The following FAM240C variants were observed in gnomAD, a reference collection of about 807,000 sequenced individuals.
FAM240C encodes protein FAM240C.
In FAM240C, 14 loss-of-function variants were observed where a neutral mutation model predicts 10.0. That is an observed-to-expected ratio of 1.40 (90% CI 0.92 to 2.19). The LOEUF (loss-of-function observed/expected upper bound fraction) is 2.19. Ranked by LOEUF, FAM240C falls within the 30% of genes most tolerant of loss-of-function variation. The pLI, the probability that FAM240C is intolerant of heterozygous loss-of-function variation, is 0.00. For synonymous variants in FAM240C, 49 were observed against 44.3 expected, an observed-to-expected ratio of 1.11 and a Z score of -0.42; for missense variants, 154 against 122.3, an observed-to-expected ratio of 1.26 and a Z score of -1.22.
Position 241,894,012 on chromosome 2 carries a change from G to T in FAM240C, c.*201C>A. ...ATCCAATTGACTTAGGTTTTATTGGGCACCAGAGATGCGCTAGAGAACCCT... is the reference window on the plus strand; with the variant it reads ...ATCCAATTGACTTAGGTTTTATTGGTCACCAGAGATGCGCTAGAGAACCCT... On this transcript the variant is annotated 3_prime_UTR_variant, in exon 3 of 3. Transcript: ENST00000404031. 1 of 482,682 alleles carries T rather than the reference G, an allele frequency of 2.1e-6. No homozygotes were observed. The allele number at this position is 482,682 out of a possible 1,614,324, so 29.9% of individuals were successfully genotyped here. A position where few individuals can be genotyped will look rare whatever the true frequency, so the allele number is the denominator to read the frequency against.
At chr2:241,901,284 C>T (rs1050610297), upstream of FAM240C, among the ~76,000 whole-genome samples, 1 of 152,210 alleles carries the variant, frequency 6.6e-6, no homozygotes. The surrounding 1 kb of genome is among the most constrained non-coding windows in gnomAD (Gnocchi z 4.9). Flanking sequence ...GGATCCATCC[C>T]TCCAGGCCTC....
At chr2:241,897,126 C>G in intron 2 of FAM240C, 60 bp downstream of exon 2, 2 of 1,528,998 alleles carry the variant, frequency 1.3e-6, no homozygotes, top group Non-Finnish European at 8.8e-7. Context: ...GGCTGTGCCC[C>G]TGGGTGGCGA....
At position 241,897,308 on chromosome 2, in the gene FAM240C, C is replaced by G. The variant is rs573899660; in HGVS notation, c.39G>C (p.Lys13Asn). Reference protein sequence around the residue: ...GKNMSKSLTLKNPGRVAYDSG... With the variant: ...GKNMSKSLTLNNPGRVAYDSG... ...AATCGTATGCTACTCTTCCAGGATTCTTAAGAGTGAGGCTTTTACTCATGT... is the reference window on the plus strand; with the variant it reads ...AATCGTATGCTACTCTTCCAGGATTGTTAAGAGTGAGGCTTTTACTCATGT... The change falls in exon 2 of 3, where the codon AAG (lysine) becomes AAC (asparagine). Residue 13 changes from lysine (K) to asparagine (N), a missense_variant. Lys to Asn is a moderately conservative substitution (Grantham distance 94, BLOSUM62 0). Coordinates refer to ENST00000404031, the MANE Select transcript of FAM240C (RefSeq NM_001382368.1). 662 of 1,549,756 alleles carry G rather than the reference C, an allele frequency of 4.3e-4. 21 individuals carry two copies. The South Asian group carries it at 7.6e-3, about 18-fold the overall frequency.
chr2:241,900,907 C>T (rs1476707862), upstream of FAM240C, among the ~76,000 whole-genome samples: 1 of 152,058 alleles, frequency 6.6e-6, no homozygotes, highest in Non-Finnish European at 1.5e-5. This position sits in a 1 kb window ranked among gnomAD's most constrained non-coding sequence, Gnocchi z 4.5. Context: ...CTGGCTCTCG[C>T]GGTGACAGGC....
intron 2 of FAM240C, 64 bp downstream of exon 2, chr2:241,897,122 G>T: frequency 6.6e-7 from 1 of 1,519,484 alleles, no homozygotes. Flanking sequence ...GCGGGGCTGT[G>T]CCCCTGGGTG....
rs1411168897 is a variant in FAM240C, at chr2:241,900,448, G to A, written c.-79C>T. The A allele has an allele frequency of 5.6e-6, 4 of 709,256 alleles. No homozygotes were observed. The highest frequency in any genetic ancestry group is 2.0e-5 in the Admixed American group (1 of 49,460). The allele number at this position is 709,256 out of a possible 1,614,324, so 43.9% of individuals were successfully genotyped here. On this transcript the variant is annotated 5_prime_UTR_variant, in exon 1 of 3. Transcript: ENST00000404031. This position sits in a 1 kb window ranked among gnomAD's most constrained non-coding sequence, Gnocchi z 4.5. The stretch of plus-strand genomic sequence containing the variant: ...TCTCCGGGGTGCACGCCTGTATCTC[G>A]CCTGCCGCTCTCTGTTACATGGGCT...
chr2:241,902,046 C>T (rs1224290647), upstream of FAM240C, among the ~76,000 whole-genome samples: 2 of 152,214 alleles, frequency 1.3e-5, no homozygotes, highest in African/African-American at 2.4e-5. The surrounding 1 kb of genome is among the most constrained non-coding windows in gnomAD (Gnocchi z 7.1). Flanking sequence ...CCCCGTGTTT[C>T]GGAGTTTGTA....
intron 2 of FAM240C, 93 bp downstream of exon 2, chr2:241,897,091 CTG>C: frequency 7.3e-7 from 1 of 1,373,670 alleles, no homozygotes; most frequent in Non-Finnish European, 9.9e-7. Context: ...AGGGCCAGGG[CTG>C]TGTCAGGGCA....
intron 2 of FAM240C, among the ~76,000 whole-genome samples, chr2:241,895,975 T>C (rs1378128031): frequency 4.1e-5 from 6 of 147,842 alleles, no homozygotes; most frequent in Admixed American, 1.3e-4. Context: ...GGGGGGGGCC[T>C]CTCCTTCACC....
At chr2:241,899,598 G>A (rs554461383) in intron 1 of FAM240C, among the ~76,000 whole-genome samples, 34 of 152,192 alleles carry the variant, frequency 2.2e-4, no homozygotes, top group Non-Finnish European at 4.0e-4. Flanking sequence ...AGTAACAGCT[G>A]GAAAACATCT....
At chr2:241,896,221 C>T (rs1180605904) in intron 2 of FAM240C, among the ~76,000 whole-genome samples, 2 of 152,214 alleles carry the variant, frequency 1.3e-5, no homozygotes, top group Non-Finnish European at 1.5e-5. Flanking sequence ...GCTCCCCACC[C>T]AGCTGTCCCT....
At chr2:241,899,390 A>AT in intron 1 of FAM240C, 1 of 964,968 alleles carries the variant, frequency 1.0e-6, no homozygotes, top group Non-Finnish European at 1.2e-6. Flanking sequence ...GAAGGGACTG[A>AT]ACTCAGCCAC....
At chr2:241,895,862 CACACGCAGAG>C (rs1701783770) in intron 2 of FAM240C, among the ~76,000 whole-genome samples, 2 of 151,936 alleles carry the variant, frequency 1.3e-5, no homozygotes, top group African/African-American at 4.8e-5. Flanking sequence ...CACATGCAGG[CACACGCAGAG>C]GCACGCGGAG....
chr2:241,897,017 G>C, intron 2 of FAM240C, among the ~76,000 whole-genome samples, 169 bp downstream of exon 2: 1 of 151,920 alleles, frequency 6.6e-6, no homozygotes, highest in East Asian at 1.9e-4. Context: ...GTGAATGGCT[G>C]TCAGTTTCCT....
upstream of FAM240C, among the ~76,000 whole-genome samples, chr2:241,901,832 C>T (rs556515653): frequency 6.6e-6 from 1 of 152,234 alleles, no homozygotes; most frequent in Non-Finnish European, 1.5e-5. The surrounding 1 kb of genome is among the most constrained non-coding windows in gnomAD (Gnocchi z 4.9). Flanking sequence ...CTCCCCAGGT[C>T]CTATGCGCGA....
intron 1 of FAM240C, among the ~76,000 whole-genome samples, chr2:241,898,580 T>A (rs1235235884): frequency 6.7e-6 from 1 of 149,622 alleles, no homozygotes; most frequent in East Asian, 2.0e-4. Flanking sequence ...AAAAAAAGAA[T>A]GTCCGTGACA....
rs1481662263 is a variant in FAM240C, at chr2:241,900,146, T to C, written c.12+212A>G. 5.3e-5 allele frequency among the ~76,000 whole-genome samples: 8 copies of C among 152,004 alleles called. No individual in the cohort carries two copies. Among genetic ancestry groups the C allele is most frequent in the African/African-American group, 1.9e-4 (8 of 41,364 alleles). The stretch of plus-strand genomic sequence containing the variant: ...AAAGGGGTGCGTGTTGTGAGGCAGG[T>C]GATGGAGACACTCTCCCCCCACCAA... On this transcript the variant is annotated intron_variant, in intron 1 of 2. Transcript: ENST00000404031. The surrounding 1 kb of genome is among the most constrained non-coding windows in gnomAD (Gnocchi z 4.5).
intron 2 of FAM240C, among the ~76,000 whole-genome samples, chr2:241,894,835 T>C (rs1458147363): frequency 6.6e-6 from 1 of 152,070 alleles, no homozygotes; most frequent in Admixed American, 6.5e-5. Flanking sequence ...GCCCACTTCC[T>C]TCTCGCTTGC....
chr2:241,897,110 T>C, intron 2 of FAM240C, 76 bp downstream of exon 2: 1 of 1,482,926 alleles, frequency 6.7e-7, no homozygotes. Context: ...GGCACACTGC[T>C]GGCGGGGCTG....
Sources: allele counts gnomAD v4.1 joint callset (sites outside exome capture counted in the v4.1 genomes callset), GRCh38; gene constraint gnomAD v4.1.1; non-coding constraint Gnocchi (gnomAD v3.1); transcripts MANE v1.5; gene names NCBI Gene and HGNC (gene_info 2026-07-23, HGNC 2026-07-21).